The following SNX8 variants were observed in gnomAD, a reference collection of about 807,000 sequenced individuals.
SNX8 encodes sorting nexin 8, also known as sorting nexin-8.
SNX8 carries 25 observed loss-of-function variants against 51.6 expected under a neutral mutation model. That is an observed-to-expected ratio of 0.48 (90% CI 0.35 to 0.68). SNX8 has a LOEUF of 0.68. Among genes scored for constraint, SNX8 ranks in the 30% least tolerant of loss-of-function variants. SNX8 has a pLI of 0.00. For missense variants in SNX8, 695 were observed against 624.0 expected, an observed-to-expected ratio of 1.11 and a Z score of -1.21; for synonymous variants, 324 against 277.0, an observed-to-expected ratio of 1.17 and a Z score of -1.68.
chr7:2,305,187 G>A (rs550517287), intron 1 of SNX8, among the ~76,000 whole-genome samples: 45 of 152,244 alleles, frequency 3.0e-4, no homozygotes, highest in African/African-American at 9.4e-4. Flanking sequence ...CTGATCAACC[G>A]CAGTGCCCTC....
intron 5 of SNX8, among the ~76,000 whole-genome samples, chr7:2,265,822 A>G (rs531659378): frequency 2.8e-4 from 42 of 152,248 alleles, no homozygotes; most frequent in African/African-American, 1.0e-3. Context: ...AATGAAGGTA[A>G]AAGATTTGGC....
intron 8 of SNX8, 88 bp from the exon 9 acceptor site, chr7:2,257,602 A>C: frequency 4.4e-6 from 7 of 1,578,092 alleles, no homozygotes; most frequent in Non-Finnish European, 6.0e-6. Context: ...CCCCCGCCAG[A>C]CGGAAGGCCC....
chr7:2,266,899 CA>C (rs1638897725), intron 5 of SNX8, among the ~76,000 whole-genome samples: 2 of 152,138 alleles, frequency 1.3e-5, no homozygotes, highest in South Asian at 4.1e-4. Context: ...GGAAAAAGAC[CA>C]AACTTTAAAC....
At chr7:2,267,553 A>T (rs1320085304) in intron 5 of SNX8, among the ~76,000 whole-genome samples, 1 of 132,964 alleles carries the variant, frequency 7.5e-6, no homozygotes, top group African/African-American at 2.8e-5. Context: ...ACCGCGAGTG[A>T]TCCGCCAACC....
chr7:2,273,370 G>A (rs139218637), intron 3 of SNX8, among the ~76,000 whole-genome samples: 3,621 of 151,348 alleles, frequency 0.024, 130 homozygotes, highest in African/African-American at 0.083. Context: ...GGATCATGAG[G>A]TCAGGAGATT....
upstream of SNX8, chr7:2,314,528 C>G (rs1194384363): frequency 9.4e-7 from 1 of 1,065,238 alleles, no homozygotes; most frequent in African/African-American, 1.7e-5. Context: ...GCCCCCTCCC[C>G]CGCGCGCCAC....
At chr7:2,260,277 T>A (rs569552894) in intron 7 of SNX8, among the ~76,000 whole-genome samples, 26 of 152,260 alleles carry the variant, frequency 1.7e-4, no homozygotes, top group African/African-American at 6.0e-4. Context: ...TTTGTATTTT[T>A]AGTAGAGATG....
At chr7:2,341,976 T>C (rs767618622) in intron 1 of SNX8, among the ~76,000 whole-genome samples, 3 of 148,918 alleles carry the variant, frequency 2.0e-5, no homozygotes, top group Non-Finnish European at 3.0e-5. Flanking sequence ...AAATTAAAAA[T>C]AGGCCGGGCC....
In SNX8 at chr7:2,314,261, C is replaced by T. The variant is rs920449515; in HGVS notation, c.94+67G>A. 27 of 1,211,084 alleles carry T rather than the reference C, an allele frequency of 2.2e-5. No homozygotes were observed. In the South Asian group the frequency reaches 8.7e-4, roughly 39 times the overall value. 75.0% of individuals were successfully genotyped at this position (1,211,084 alleles called of 1,614,324 possible). A position where few individuals can be genotyped will look rare whatever the true frequency, so the allele number is the denominator to read the frequency against. ...GGGACCAAGCGCGGCGGCTGAGCCCCGTCCGCCGGGGGTGGTCGGGCCGCG... is the reference window on the plus strand; with the variant it reads ...GGGACCAAGCGCGGCGGCTGAGCCCTGTCCGCCGGGGGTGGTCGGGCCGCG... On this transcript the variant is annotated intron_variant, in intron 1 of 10. Coordinates refer to ENST00000222990, the MANE Select transcript of SNX8 (RefSeq NM_013321.4).
intron 1 of SNX8, among the ~76,000 whole-genome samples, chr7:2,321,172 C>T (rs1778502784): frequency 6.6e-6 from 1 of 152,266 alleles, no homozygotes; most frequent in Non-Finnish European, 1.5e-5. Flanking sequence ...CTCACACACG[C>T]AGAATAAAGC....
chr7:2,255,582 C>G lies in SNX8; in HGVS notation c.1285-413G>C, dbSNP rs79243017. The stretch of plus-strand genomic sequence containing the variant: ...CGGACACCCTGTCTCCACAGAAAAT[C>G]AGAAATATGAGTCGGATGTGGTGGC... On this transcript the variant is annotated intron_variant, in intron 10 of 10. Transcript: ENST00000222990. Among the ~76,000 whole-genome samples the G allele has an allele frequency of 2.8e-3, 434 of 152,294 alleles. 1 individual carries two copies. Among genetic ancestry groups the G allele is most frequent in the African/African-American group, 0.01 (416 of 41,566 alleles).
In SNX8 at chr7:2,271,889, C is replaced by T. The variant is rs779196147; in HGVS notation, c.501G>A (p.Glu167=). Residue 167 remains glutamate (E), a synonymous_variant, in exon 4 of 11, where the codon GAG becomes GAA. Coordinates refer to ENST00000222990, the MANE Select transcript of SNX8 (RefSeq NM_013321.4). ...ACAGGAAGAGCTTGAGGACCACATCCTCGGAGAACAGGGGGTGTCGCGCCA... is the reference window on the plus strand; with the variant it reads ...ACAGGAAGAGCTTGAGGACCACATCTTCGGAGAACAGGGGGTGTCGCGCCA... ...NLVARHPLFS[E]DVVLKLFLSF... The T allele has an allele frequency of 2.5e-5, 40 of 1,613,430 alleles. No homozygotes were observed. Among genetic ancestry groups the T allele is most frequent in the Non-Finnish European group, 2.5e-6 (3 of 1,179,836 alleles).
At chr7:2,339,450 C>A (rs1778884506) in intron 1 of SNX8, among the ~76,000 whole-genome samples, 1 of 151,822 alleles carries the variant, frequency 6.6e-6, no homozygotes, top group Non-Finnish European at 1.5e-5. Flanking sequence ...ACCTCATGAT[C>A]CACCCACCCT....
intron 5 of SNX8, among the ~76,000 whole-genome samples, chr7:2,267,971 C>G (rs1322858582): frequency 6.8e-6 from 1 of 146,384 alleles, no homozygotes; most frequent in Non-Finnish European, 1.5e-5. Flanking sequence ...GCCGCCCCAT[C>G]TGGGATGTGA....
At chr7:2,269,151 A>C (rs945689951) in intron 5 of SNX8, among the ~76,000 whole-genome samples, 1 of 148,854 alleles carries the variant, frequency 6.7e-6, no homozygotes, top group Non-Finnish European at 1.5e-5. Context: ...AGAAAGAAGT[A>C]GACATGGGAG....
rs1795048811 is a variant in SNX8 at position 2,252,149 on chromosome 7, C to CA, written c.*2906_*2907insT. 1 of 66,792 alleles carries CA rather than the reference C, an allele frequency of 1.5e-5. No individual in the cohort carries two copies. The allele number at this position is 66,792 out of a possible 1,614,324, so 4.1% of individuals were successfully genotyped here. Reference sequence around the variant, plus strand: ...ACAGCCCCGCCAGCCCACAACCCCCCTCCCACGGCCCCGCCAGCCGTCCTC... The same window carrying CA: ...ACAGCCCCGCCAGCCCACAACCCCCCATCCCACGGCCCCGCCAGCCGTCCTC... On this transcript the variant is annotated 3_prime_UTR_variant, in exon 11 of 11. Coordinates refer to ENST00000222990, the MANE Select transcript of SNX8 (RefSeq NM_013321.4).
intron 3 of SNX8, among the ~76,000 whole-genome samples, chr7:2,273,312 C>T (rs1795692242): frequency 6.6e-6 from 1 of 151,696 alleles, no homozygotes; most frequent in East Asian, 2.0e-4. Flanking sequence ...AGGCCAGGCG[C>T]AGTGGCTCAC....
At chr7:2,268,619 A>G (rs866557690) in intron 5 of SNX8, among the ~76,000 whole-genome samples, 2,952 of 57,178 alleles carry the variant, frequency 0.052, no homozygotes, top group East Asian at 0.12. Context: ...CCCTCCGCCC[A>G]GCCAGCCGCC....
chr7:2,272,982 C>T (rs548931419), intron 3 of SNX8, among the ~76,000 whole-genome samples: 21 of 151,814 alleles, frequency 1.4e-4, no homozygotes, highest in African/African-American at 4.1e-4. Context: ...TACAGGCACC[C>T]GCCACCACAC....
Sources: gnomAD v4.1 joint callset for allele counts (sites outside exome capture counted in the v4.1 genomes callset) on GRCh38, gnomAD v4.1.1 for gene constraint, MANE v1.5 for transcripts, NCBI Gene and HGNC (gene_info 2026-07-23, HGNC 2026-07-21) for gene names.